Variants in JMJD1C observed in about 807,000 individuals in gnomAD.
JMJD1C encodes the protein jumonji domain containing 1C, also known as jumonji domain-containing protein 1C.
Under a neutral mutation model 245.3 loss-of-function variants are expected in JMJD1C, and 31 were observed. The observed-to-expected ratio is 0.13, with a 90% confidence interval of 0.09 to 0.17. JMJD1C has a LOEUF of 0.17. Ranked by LOEUF, JMJD1C falls within the 10% of genes least tolerant of loss-of-function variation. The probability of loss-of-function intolerance (pLI) is 1.00; values close to 1 mark genes in which losing one functional copy is unlikely to be tolerated. For missense variants in JMJD1C, 2,691 were observed against 3,000.2 expected, an observed-to-expected ratio of 0.90 and a Z score of 2.41; for synonymous variants, 1,057 against 1,017.4, an observed-to-expected ratio of 1.04 and a Z score of -0.74.
intron 2 of JMJD1C, among the ~76,000 whole-genome samples, chr10:63,318,126 C>T (rs189615822): frequency 6.6e-6 from 1 of 152,318 alleles, no homozygotes; most frequent in Non-Finnish European, 1.5e-5. Flanking sequence ...GCATCTCAGG[C>T]TCCCAAGTAG....
At chr10:63,387,072 T>TA (rs1947665488) in intron 1 of JMJD1C, among the ~76,000 whole-genome samples, 1 of 151,736 alleles carries the variant, frequency 6.6e-6, no homozygotes, top group Non-Finnish European at 1.5e-5. Context: ...GTTTAATGCC[T>TA]AAAAAAATCA....
chr10:63,400,602 G>T (rs995481714), intron 1 of JMJD1C, among the ~76,000 whole-genome samples: 2 of 151,452 alleles, frequency 1.3e-5, no homozygotes, highest in Middle Eastern at 3.2e-3. Context: ...CTGCTCTGTC[G>T]CTCAAACTGG....
At chr10:63,197,621 T>G (rs1564589121) in intron 12 of JMJD1C, 58 bp from the exon 13 acceptor site, 20 of 1,437,530 alleles carry the variant, frequency 1.4e-5, no homozygotes, top group Non-Finnish European at 1.8e-5. Flanking sequence ...CCAAGGCAAT[T>G]TTGGCTGAAA....
intron 3 of JMJD1C, among the ~76,000 whole-genome samples, chr10:63,257,050 C>T (rs1021023728): frequency 1.3e-5 from 2 of 151,906 alleles, no homozygotes; most frequent in Non-Finnish European, 2.9e-5. Context: ...TCCTGGCCAA[C>T]ACTGGTGAAA....
Position 63,206,870 on chromosome 10 carries a change from C to G in JMJD1C, c.4799G>C (p.Ser1600Thr). The change falls in exon 10 of 26, where the codon AGT (serine) becomes ACT (threonine). Residue 1600 changes from serine (S) to threonine (T), a missense_variant. Ser to Thr is a moderately conservative substitution (Grantham distance 58, BLOSUM62 1). This residue lies in a region of JMJD1C where 144 missense variants were observed against 143.3 expected (regional missense o/e 1.00). Coordinates refer to ENST00000399262, the MANE Select transcript of JMJD1C (RefSeq NM_032776.3). ...TSSDIQNSVD[S>T]KIIVDKYVKD... ...TACATATTTATCAACTATGATCTTA[C>G]TATCTACACTATTTTGTATATCACT... 1.2e-6 allele frequency: 2 copies of G among 1,606,718 alleles called. No individual in the cohort carries two copies. Among genetic ancestry groups the G allele is most frequent in the Non-Finnish European group, 1.7e-6 (2 of 1,176,626 alleles).
chr10:63,346,067 G>A (rs1358842203), intron 2 of JMJD1C, among the ~76,000 whole-genome samples: 1 of 152,042 alleles, frequency 6.6e-6, no homozygotes, highest in Non-Finnish European at 1.5e-5. Context: ...TCAGTAAATG[G>A]GGTCTCACTA....
chr10:63,371,742 G>C (rs1431936601), intron 2 of JMJD1C, among the ~76,000 whole-genome samples: 1 of 152,070 alleles, frequency 6.6e-6, no homozygotes, highest in African/African-American at 2.4e-5. Context: ...GTGTGAACTC[G>C]TTCATTGCAA....
At chr10:63,430,844 T>C (rs960638633) in intron 1 of JMJD1C, among the ~76,000 whole-genome samples, 1 of 152,172 alleles carries the variant, frequency 6.6e-6, no homozygotes, top group Non-Finnish European at 1.5e-5. Context: ...CCTGGGCTCA[T>C]GAGATCCTCG....
chr10:63,479,677 T>G (rs574317024), intron 1 of JMJD1C, among the ~76,000 whole-genome samples: 45 of 152,194 alleles, frequency 3.0e-4, no homozygotes, highest in Non-Finnish European at 5.3e-4. Context: ...ATATTTCCTG[T>G]AAAGTGGTAG....
At chr10:63,385,543 T>A (rs1336868790) in intron 1 of JMJD1C, among the ~76,000 whole-genome samples, 1 of 145,694 alleles carries the variant, frequency 6.9e-6, no homozygotes, top group African/African-American at 2.5e-5. Flanking sequence ...GCTCAAGCAA[T>A]CCTCCCACCA....
chr10:63,337,766 G>A (rs1175113532), intron 2 of JMJD1C, among the ~76,000 whole-genome samples: 1 of 152,094 alleles, frequency 6.6e-6, no homozygotes, highest in East Asian at 1.9e-4. Flanking sequence ...TGATGAGCCA[G>A]AAGATGTGTG....
chr10:63,323,187 C>T (rs1041045580), intron 2 of JMJD1C, among the ~76,000 whole-genome samples: 2 of 152,018 alleles, frequency 1.3e-5, no homozygotes, highest in Non-Finnish European at 2.9e-5. Flanking sequence ...AGCTGAAACA[C>T]AAGGAAAAGC....
chr10:63,268,058 G>A (rs1403712581), intron 2 of JMJD1C, among the ~76,000 whole-genome samples: 1 of 151,664 alleles, frequency 6.6e-6, no homozygotes, highest in Non-Finnish European at 1.5e-5. Flanking sequence ...AATTCAAGGA[G>A]CTTATGTCTG....
intron 2 of JMJD1C, among the ~76,000 whole-genome samples, chr10:63,279,243 G>A (rs913334581): frequency 3.9e-5 from 6 of 152,142 alleles, no homozygotes; most frequent in Middle Eastern, 3.4e-3. Context: ...GAGCAAAAAC[G>A]TGGTCTCGAA....
At chr10:63,513,861 C>T (rs993570086) in intron 1 of JMJD1C, among the ~76,000 whole-genome samples, 5 of 151,890 alleles carry the variant, frequency 3.3e-5, no homozygotes, top group African/African-American at 4.8e-5. Flanking sequence ...TGCAGTGAGC[C>T]GAGATCGCGC....
chr10:63,291,853 C>A (rs1179452787), intron 2 of JMJD1C, among the ~76,000 whole-genome samples: 3 of 152,132 alleles, frequency 2.0e-5, no homozygotes, highest in African/African-American at 2.4e-5. Context: ...TTATTTTAAT[C>A]TGTCTCTTCA....
chr10:63,484,778 G>C (rs893239525), intron 1 of JMJD1C, among the ~76,000 whole-genome samples: 2 of 151,898 alleles, frequency 1.3e-5, no homozygotes, highest in African/African-American at 4.8e-5. Context: ...ATTGAGCTTT[G>C]ATTATGAGAT....
intron 1 of JMJD1C, among the ~76,000 whole-genome samples, chr10:63,518,628 C>G (rs1005250537): frequency 2.0e-5 from 3 of 152,134 alleles, no homozygotes; most frequent in African/African-American, 7.2e-5. Flanking sequence ...AATTCAGTCT[C>G]AGTTAAAATC....
intron 1 of JMJD1C, among the ~76,000 whole-genome samples, chr10:63,389,967 C>G (rs1472904924): frequency 2.6e-5 from 4 of 152,006 alleles, no homozygotes; most frequent in African/African-American, 9.7e-5. Flanking sequence ...AGTGTCAAAC[C>G]ATACATCCCA....
Sources: allele counts gnomAD v4.1 joint callset (sites outside exome capture counted in the v4.1 genomes callset), GRCh38; gene constraint gnomAD v4.1.1; regional missense constraint gnomAD v4.1.1; transcripts MANE v1.5; gene names NCBI Gene and HGNC (gene_info 2026-07-23, HGNC 2026-07-21).